Variants in METTL8 observed in about 807,000 individuals in gnomAD.
The protein encoded by METTL8 is tRNA N(3)-cytidine methyltransferase METTL8, mitochondrial.
In METTL8, 32 loss-of-function variants were observed where a neutral mutation model predicts 48.7. That is an observed-to-expected ratio of 0.66 (90% confidence interval 0.50 to 0.88). The LOEUF (loss-of-function observed/expected upper bound fraction) is 0.88. METTL8 is among the 40% of genes least tolerant of loss of function. The probability of loss-of-function intolerance (pLI) is 0.00; values close to 1 mark genes in which losing one functional copy is unlikely to be tolerated. For missense variants in METTL8, 464 were observed against 474.4 expected, an observed-to-expected ratio of 0.98 and a Z score of 0.20; for synonymous variants, 136 against 157.1, an observed-to-expected ratio of 0.87 and a Z score of 1.01.
At chr2:171,434,733 A>G (rs1693712140), upstream of METTL8, 36 of 1,404,322 alleles carry the variant, frequency 2.6e-5, no homozygotes, top group Non-Finnish European at 3.2e-5. Context: ...GGCGGGACGG[A>G]GGGCCGCGGG....
chr2:171,338,135 C>T (rs562150264), intron 4 of METTL8, among the ~76,000 whole-genome samples: 5 of 152,036 alleles, frequency 3.3e-5, no homozygotes, highest in Non-Finnish European at 5.9e-5. Context: ...AAAGGCTATA[C>T]CCAAAATGTT....
rs951384592 is a variant in METTL8, at chr2:171,430,186, C to T, written c.-13+3697G>A. Among the ~76,000 whole-genome samples, 7 of 152,072 alleles carry T rather than the reference C, an allele frequency of 4.6e-5. No individual in the cohort carries two copies. The South Asian group carries it at 1.0e-3, about 23-fold the overall frequency. On this transcript the variant is annotated intron_variant, in intron 1 of 9. Coordinates refer to ENST00000375258, the MANE Select transcript of METTL8 (RefSeq NM_001321154.2). ...CAGCCTGGCCAACATGGTGAAACCCCGTCTCTACTAAAAATATTAAAATTA... is the reference window on the plus strand; with the variant it reads ...CAGCCTGGCCAACATGGTGAAACCCTGTCTCTACTAAAAATATTAAAATTA...
intron 2 of METTL8, among the ~76,000 whole-genome samples, chr2:171,382,740 AAAAAG>A (rs1408655939): frequency 3.3e-5 from 5 of 152,118 alleles, no homozygotes; most frequent in Non-Finnish European, 5.9e-5. Flanking sequence ...AAAGAAAGAA[AAAAAG>A]AAAAGAAAAC....
chr2:171,387,946 T>G (rs1688237593), intron 2 of METTL8, among the ~76,000 whole-genome samples: 1 of 152,216 alleles, frequency 6.6e-6, no homozygotes, highest in African/African-American at 2.4e-5. Flanking sequence ...CATGCCCAAC[T>G]TGACTTCTTC....
chr2:171,409,793 A>G (rs1690564700), intron 1 of METTL8, among the ~76,000 whole-genome samples: 1 of 152,174 alleles, frequency 6.6e-6, no homozygotes, highest in Non-Finnish European at 1.5e-5. Context: ...GCTGATTCCT[A>G]GACTACAGCC....
At chr2:171,388,311 G>A (rs1688267902) in intron 2 of METTL8, among the ~76,000 whole-genome samples, 2 of 152,052 alleles carry the variant, frequency 1.3e-5, no homozygotes, top group African/African-American at 2.4e-5. Context: ...TAAATATAAT[G>A]TCATTTATTT....
chr2:171,354,471 C>T (rs558637376), intron 3 of METTL8, among the ~76,000 whole-genome samples: 18 of 152,040 alleles, frequency 1.2e-4, no homozygotes, highest in Non-Finnish European at 2.2e-4. Context: ...ATCTTTGTGG[C>T]GTTCTCTGTA....
chr2:171,378,082 A>G (rs910146212), intron 2 of METTL8, among the ~76,000 whole-genome samples: 1 of 152,238 alleles, frequency 6.6e-6, no homozygotes, highest in Non-Finnish European at 1.5e-5. Context: ...AAGTTCACAC[A>G]TAACAATATT....
Position 171,324,005 on chromosome 2 carries a change from AAC to A in METTL8, c.*165_*166del, listed in dbSNP as rs1684681041. ...GCACAGAAAAAGGCATACTGTGCTG[AAC>A]CACTTACATGTGCTTAAAATGCACA... On this transcript the variant is annotated 3_prime_UTR_variant, in exon 10 of 10. Transcript: ENST00000375258. 1 of 573,492 alleles carries A rather than the reference AAC, an allele frequency of 1.7e-6. No homozygotes were observed. Among genetic ancestry groups the A allele is most frequent in the African/African-American group, 1.9e-5 (1 of 53,194 alleles). The allele number at this position is 573,492 out of a possible 1,614,324, so 35.5% of individuals were successfully genotyped here. A position where few individuals can be genotyped will look rare whatever the true frequency, so the allele number is the denominator to read the frequency against.
At position 171,320,918 on chromosome 2, in the gene METTL8, C is replaced by T. The variant is rs1684493245; in HGVS notation, c.*3254G>A. The T allele has an allele frequency of 2.6e-5, 4 of 152,274 alleles. No individual in the cohort carries two copies. Among genetic ancestry groups the T allele is most frequent in the Admixed American group, 2.6e-4 (4 of 15,298 alleles). The allele number at this position is 152,274 out of a possible 1,614,324, so 9.4% of individuals were successfully genotyped here. A position where few individuals can be genotyped will look rare whatever the true frequency, so the allele number is the denominator to read the frequency against. On this transcript the variant is annotated 3_prime_UTR_variant, in exon 10 of 10. Transcript: ENST00000375258. Reference sequence around the variant, plus strand: ...CATATCTCAAACTGATCTCAGATGGCTCCAGTTCAGAGACTAGAAGTCATA... The same window carrying T: ...CATATCTCAAACTGATCTCAGATGGTTCCAGTTCAGAGACTAGAAGTCATA...
chr2:171,408,561 G>T (rs987457619), intron 1 of METTL8, among the ~76,000 whole-genome samples: 1 of 152,024 alleles, frequency 6.6e-6, no homozygotes, highest in Non-Finnish European at 1.5e-5. Context: ...CAAAGTGCTG[G>T]GATTACAGGT....
chr2:171,411,953 TGTG>T (rs571307106), intron 1 of METTL8, among the ~76,000 whole-genome samples: 128 of 152,312 alleles, frequency 8.4e-4, no homozygotes, highest in African/African-American at 2.9e-3. Context: ...CAGCAGGAAA[TGTG>T]CTAATGCTAT....
At chr2:171,379,337 C>CAA (rs1322918364) in intron 2 of METTL8, among the ~76,000 whole-genome samples, 1 of 151,930 alleles carries the variant, frequency 6.6e-6, no homozygotes, top group Non-Finnish European at 1.5e-5. Flanking sequence ...CCTAGCATCA[C>CAA]AATTAAAACA....
At chr2:171,331,946 C>A (rs749500081) in intron 5 of METTL8, 79 bp from the exon 6 acceptor site, 5 of 1,018,776 alleles carry the variant, frequency 4.9e-6, no homozygotes, top group Non-Finnish European at 7.4e-6. Flanking sequence ...AGTGTAGTAA[C>A]GTGACCATAG....
intron 1 of METTL8, among the ~76,000 whole-genome samples, chr2:171,430,049 GAA>G (rs111919631): frequency 1.6e-5 from 2 of 125,964 alleles, no homozygotes; most frequent in African/African-American, 5.8e-5. Flanking sequence ...GTCTCAAAAA[GAA>G]AAAAAAAAAA....
Position 171,392,012 on chromosome 2 carries a change from A to T in METTL8, c.143+31T>A, listed in dbSNP as rs1442031440. 1.2e-5 allele frequency: 18 copies of T among 1,531,010 alleles called. No homozygotes were observed. The East Asian group carries it at 3.7e-4, about 31-fold the overall frequency. The allele number at this position is 1,531,010 out of a possible 1,614,324, so 94.8% of individuals were successfully genotyped here. The stretch of plus-strand genomic sequence containing the variant: ...ACCACTGGTGATATTTAAGAAACAC[A>T]CATAATATCAGATTTAAAAAGAAAA... On this transcript the variant is annotated intron_variant, in intron 2 of 9. Transcript: ENST00000375258.
chr2:171,386,203 T>C (rs988168089), intron 2 of METTL8, among the ~76,000 whole-genome samples: 1 of 152,138 alleles, frequency 6.6e-6, no homozygotes, highest in Non-Finnish European at 1.5e-5. Flanking sequence ...GCTAAATCAC[T>C]AGGGTCTAAT....
intron 3 of METTL8, among the ~76,000 whole-genome samples, chr2:171,352,711 C>A (rs1684073789): frequency 6.6e-6 from 1 of 152,102 alleles, no homozygotes; most frequent in Admixed American, 6.5e-5. Context: ...GTATAAGTGT[C>A]CAGGAATTTA....
chr2:171,431,229 T>C (rs1351652494), intron 1 of METTL8, among the ~76,000 whole-genome samples: 1 of 151,360 alleles, frequency 6.6e-6, no homozygotes, highest in Non-Finnish European at 1.5e-5. Context: ...CAATAGAAAA[T>C]TCCATTCCCT....
Sources: allele counts gnomAD v4.1 joint callset (sites outside exome capture counted in the v4.1 genomes callset), GRCh38; gene constraint gnomAD v4.1.1; transcripts MANE v1.5; gene names NCBI Gene and HGNC (gene_info 2026-07-23, HGNC 2026-07-21).